Variants in PPP1R9A observed in about 807,000 individuals in gnomAD.
PPP1R9A encodes neurabin-1.
PPP1R9A carries 59 observed loss-of-function variants against 141.9 expected under a neutral mutation model. The ratio of observed to expected loss-of-function variants is 0.42; its 90% CI spans 0.34 to 0.52. PPP1R9A has a LOEUF of 0.52. PPP1R9A is among the 20% of genes least tolerant of loss of function. The probability of loss-of-function intolerance (pLI) is 0.10; values close to 1 mark genes in which losing one functional copy is unlikely to be tolerated. For synonymous variants in PPP1R9A, 500 were observed against 569.7 expected (o/e 0.88, Z 1.74); for missense variants, 1,444 against 1,611.9 (o/e 0.90, Z 1.78).
At chr7:95,088,154 A>G (rs1343756163) in intron 2 of PPP1R9A, among the ~76,000 whole-genome samples, 1 of 152,068 alleles carries the variant, frequency 6.6e-6, no homozygotes. Flanking sequence ...TAATCAGAGT[A>G]GAATCCTAAT....
chr7:95,057,921 G>A (rs1396980131), intron 2 of PPP1R9A, among the ~76,000 whole-genome samples: 1 of 152,084 alleles, frequency 6.6e-6, no homozygotes, highest in Non-Finnish European at 1.5e-5. Context: ...ATCAGGAATT[G>A]GGGAGACCTT....
At chr7:95,228,637 G>C (rs760810913) in intron 8 of PPP1R9A, among the ~76,000 whole-genome samples, 1 of 152,042 alleles carries the variant, frequency 6.6e-6, no homozygotes, top group Non-Finnish European at 1.5e-5. Context: ...TTTCAAAAAT[G>C]CCTTTATTTT....
chr7:95,183,448 C>CT (rs766642929), intron 5 of PPP1R9A, among the ~76,000 whole-genome samples: 19,127 of 102,990 alleles, frequency 0.19, 2,728 homozygotes, highest in African/African-American at 0.3. Flanking sequence ...CAAAAATATT[C>CT]TTTTTTTTTT....
chr7:95,188,031 A>G (rs1303567065), intron 5 of PPP1R9A, among the ~76,000 whole-genome samples: 1 of 150,548 alleles, frequency 6.6e-6, no homozygotes, highest in Non-Finnish European at 1.5e-5. Context: ...TTTGAAGTCC[A>G]TTATTTTGTT....
At chr7:95,158,106 T>C (rs549743967) in intron 4 of PPP1R9A, among the ~76,000 whole-genome samples, 4 of 152,264 alleles carry the variant, frequency 2.6e-5, no homozygotes, top group South Asian at 2.1e-4. Context: ...CAATGTAGCA[T>C]TGATGCAAGG....
At position 95,295,441 on chromosome 7, in the gene PPP1R9A, A is replaced by G. The variant is rs1585681900; in HGVS notation, c.*5138A>G. ...CTGAGTTGGAGCTCAGAAGAAATGTATGCAGCTAAAAATTGCACTGTGTGT... is the reference window on the plus strand; with the variant it reads ...CTGAGTTGGAGCTCAGAAGAAATGTGTGCAGCTAAAAATTGCACTGTGTGT... On this transcript the variant is annotated 3_prime_UTR_variant, in exon 20 of 20. Coordinates refer to ENST00000433360, the MANE Select transcript of PPP1R9A (RefSeq NM_001166160.2). 1 of 152,650 alleles carries G rather than the reference A, an allele frequency of 6.6e-6. No individual in the cohort carries two copies. The allele number at this position is 152,650 out of a possible 1,614,324, so 9.5% of individuals were successfully genotyped here.
intron 2 of PPP1R9A, among the ~76,000 whole-genome samples, chr7:95,051,022 T>C (rs1810721203): frequency 6.6e-6 from 1 of 152,166 alleles, no homozygotes; most frequent in Admixed American, 6.5e-5. Context: ...ATCTAAAAAG[T>C]CATCACTATC....
chr7:95,271,398 G>A (rs1227512976), intron 14 of PPP1R9A, among the ~76,000 whole-genome samples: 1 of 152,132 alleles, frequency 6.6e-6, no homozygotes, highest in African/African-American at 2.4e-5. Flanking sequence ...GGACCCTTGA[G>A]ACATACCTTG....
intron 8 of PPP1R9A, among the ~76,000 whole-genome samples, chr7:95,233,408 C>T (rs1796246605): frequency 6.6e-6 from 1 of 151,926 alleles, no homozygotes; most frequent in South Asian, 2.1e-4. Flanking sequence ...TTAGAAATAC[C>T]TAATGTAGAT....
intron 2 of PPP1R9A, among the ~76,000 whole-genome samples, chr7:95,063,479 C>T (rs564557436): frequency 3.9e-4 from 59 of 152,240 alleles, no homozygotes; most frequent in Non-Finnish European, 7.1e-4. Flanking sequence ...ACAAGAGAAT[C>T]ACTTGAGCCC....
At chr7:95,237,205 T>G (rs1044240773) in intron 8 of PPP1R9A, among the ~76,000 whole-genome samples, 4 of 148,010 alleles carry the variant, frequency 2.7e-5, no homozygotes, top group Admixed American at 6.7e-5. Flanking sequence ...GGTTTTTTGT[T>G]TTTTTTTTGA....
chr7:94,908,399 C>T (rs980022855), intron 1 of PPP1R9A: 2 of 152,212 alleles, frequency 1.3e-5, no homozygotes, highest in African/African-American at 2.4e-5. Flanking sequence ...GAGCTCGTCT[C>T]TCTCCGTGTC....
intron 2 of PPP1R9A, among the ~76,000 whole-genome samples, chr7:95,068,473 G>GAAAAAAAAAAAAAAAAAAAAA (rs36043693): frequency 3.2e-5 from 3 of 94,144 alleles, no homozygotes; most frequent in East Asian, 3.6e-4. Flanking sequence ...CTTGTCTCAA[G>GAAAAAAAAAAAAAAAAAAAAA]AAAAAAAAAA....
At chr7:94,977,831 C>T (rs1355420075) in intron 2 of PPP1R9A, among the ~76,000 whole-genome samples, 1 of 149,442 alleles carries the variant, frequency 6.7e-6, no homozygotes, top group African/African-American at 2.5e-5. Context: ...GGCGTGATCT[C>T]GGCTCACTGC....
intron 2 of PPP1R9A, among the ~76,000 whole-genome samples, chr7:94,995,888 AT>A (rs1183288887): frequency 6.6e-6 from 1 of 152,238 alleles, no homozygotes; most frequent in East Asian, 1.9e-4. Context: ...AGTACTAGAT[AT>A]TTTTGTATTT....
chr7:94,930,757 G>A (rs1563007038), intron 2 of PPP1R9A, among the ~76,000 whole-genome samples: 2 of 152,162 alleles, frequency 1.3e-5, no homozygotes, highest in African/African-American at 2.4e-5. Context: ...GAAGGGGAAA[G>A]GAGTTACAGA....
At chr7:95,025,763 A>C (rs192902713) in intron 2 of PPP1R9A, among the ~76,000 whole-genome samples, 4 of 152,152 alleles carry the variant, frequency 2.6e-5, no homozygotes, top group Admixed American at 2.0e-4. Context: ...TGGAGGCTTT[A>C]TTCATTCCTT....
intron 2 of PPP1R9A, among the ~76,000 whole-genome samples, chr7:95,070,963 T>C (rs1813737014): frequency 6.6e-6 from 1 of 151,712 alleles, no homozygotes; most frequent in Non-Finnish European, 1.5e-5. Flanking sequence ...GCTAAAAAAA[T>C]TGAGGAATAT....
intron 3 of PPP1R9A, among the ~76,000 whole-genome samples, chr7:95,116,345 A>G (rs913347352): frequency 1.3e-5 from 2 of 152,200 alleles, no homozygotes; most frequent in African/African-American, 4.8e-5. Flanking sequence ...CTAGAAAACC[A>G]AATTGATTCA....
Sources: gnomAD v4.1 joint callset for allele counts (sites outside exome capture counted in the v4.1 genomes callset) on GRCh38, gnomAD v4.1.1 for gene constraint, MANE v1.5 for transcripts, NCBI Gene and HGNC (gene_info 2026-07-23, HGNC 2026-07-21) for gene names.